Variants in DPYD observed in about 807,000 individuals in gnomAD.
DPYD encodes the protein dihydropyrimidine dehydrogenase [NADP(+)].
In DPYD, 109 loss-of-function variants were observed where a neutral mutation model predicts 116.2. That is an observed-to-expected ratio of 0.94 (90% CI 0.80 to 1.10). The LOEUF is 1.10. Ranked by LOEUF, DPYD falls within the 50% of genes least tolerant of loss-of-function variation. The probability of loss-of-function intolerance (pLI) is 0.00; values close to 1 mark genes in which losing one functional copy is unlikely to be tolerated. For missense variants in DPYD, 1,302 were observed against 1,254.5 expected (o/e 1.04, Z -0.57); for synonymous variants, 440 against 432.0 (o/e 1.02, Z -0.23).
intron 11 of DPYD, among the ~76,000 whole-genome samples, chr1:97,570,824 A>G (rs1276626285): frequency 6.6e-6 from 1 of 151,922 alleles, no homozygotes; most frequent in Non-Finnish European, 1.5e-5. Flanking sequence ...ATGGAATTTT[A>G]AAGCCCATGC....
chr1:97,871,136 T>G (rs1314704589), intron 2 of DPYD, among the ~76,000 whole-genome samples: 1 of 151,982 alleles, frequency 6.6e-6, no homozygotes. Flanking sequence ...TAATATCTTT[T>G]AAAATATACA....
At chr1:97,853,193 T>G (rs1670654335) in intron 2 of DPYD, among the ~76,000 whole-genome samples, 1 of 152,244 alleles carries the variant, frequency 6.6e-6, no homozygotes, top group African/African-American at 2.4e-5. Flanking sequence ...ACCCAGTGCT[T>G]GTTCTATCAT....
At chr1:97,146,859 T>C (rs1214296234) in intron 20 of DPYD, among the ~76,000 whole-genome samples, 1 of 152,140 alleles carries the variant, frequency 6.6e-6, no homozygotes, top group Non-Finnish European at 1.5e-5. Context: ...GAGATAAATA[T>C]ATCCAGTGGG....
chr1:97,713,430 G>C (rs955185593), intron 5 of DPYD, among the ~76,000 whole-genome samples: 2 of 152,034 alleles, frequency 1.3e-5, no homozygotes, highest in Non-Finnish European at 2.9e-5. Flanking sequence ...TAGATATTAA[G>C]ATACAGTTTT....
chr1:97,156,404 T>A (rs1025710561), intron 20 of DPYD, among the ~76,000 whole-genome samples: 6 of 151,652 alleles, frequency 4.0e-5, no homozygotes, highest in Non-Finnish European at 8.8e-5. Flanking sequence ...TACAATGAAC[T>A]CAAACAAATT....
intron 1 of DPYD, among the ~76,000 whole-genome samples, chr1:97,890,977 A>G (rs1672745156): frequency 6.6e-6 from 1 of 152,098 alleles, no homozygotes; most frequent in Admixed American, 6.6e-5. Context: ...AAAGGCAGTG[A>G]GTTGAATTCA....
intron 14 of DPYD, among the ~76,000 whole-genome samples, chr1:97,441,525 T>C (rs1428239087): frequency 6.6e-6 from 1 of 152,160 alleles, no homozygotes; most frequent in Non-Finnish European, 1.5e-5. Context: ...TCTTATTCAT[T>C]GTAGTTTTAA....
At chr1:97,133,998 CAAAAAAA>C (rs1208967697) in intron 20 of DPYD, among the ~76,000 whole-genome samples, 441 of 17,180 alleles carry the variant, frequency 0.026, 35 homozygotes, top group South Asian at 0.046. Flanking sequence ...GACTCTGTTT[CAAAAAAA>C]AAAAAAAAAA....
intron 7 of DPYD, among the ~76,000 whole-genome samples, chr1:97,684,144 C>T (rs1660580694): frequency 1.3e-5 from 2 of 152,094 alleles, no homozygotes; most frequent in African/African-American, 4.8e-5. Context: ...CAATGTGAGA[C>T]CTTTCTAGCT....
At chr1:97,315,210 T>TCTGGCCCA in intron 16 of DPYD, among the ~76,000 whole-genome samples, 1 of 151,978 alleles carries the variant, frequency 6.6e-6, no homozygotes, top group Non-Finnish European at 1.5e-5. Context: ...CTGGCCCAGC[T>TCTGGCCCA]GCAGGAGTGT....
rs1231882412 is a variant in DPYD, at chr1:97,720,725, C to T, written c.483+785G>A. The T allele has an allele frequency of 8.4e-6, 12 of 1,421,138 alleles. No individual in the cohort carries two copies. In the South Asian group the frequency reaches 1.5e-4, roughly 17 times the overall value. The allele number at this position is 1,421,138 out of a possible 1,614,324, so 88.0% of individuals were successfully genotyped here. ...TTAACTAAAAATCTAGGTTGACGGG[C>T]ACTTAATTTGACCTTCTAGCCAACT... On this transcript the variant is annotated intron_variant, in intron 5 of 22. Coordinates refer to ENST00000370192, the MANE Select transcript of DPYD (RefSeq NM_000110.4).
At chr1:97,367,710 T>G (rs973294986) in intron 16 of DPYD, among the ~76,000 whole-genome samples, 5 of 152,126 alleles carry the variant, frequency 3.3e-5, no homozygotes, top group Admixed American at 1.3e-4. Flanking sequence ...TCCAAAGAAA[T>G]CATTACTAAA....
rs544016659 is a variant in DPYD, at chr1:97,611,529, C to A, written c.851-16363G>T. On this transcript the variant is annotated intron_variant, in intron 8 of 22. Transcript: ENST00000370192. Reference sequence around the variant, plus strand: ...AAGGTGTTCTAGGAGGTTACAGGGGCAATCCATGCAACTGCAATTTGAAAA... The same window carrying A: ...AAGGTGTTCTAGGAGGTTACAGGGGAAATCCATGCAACTGCAATTTGAAAA... Among the ~76,000 whole-genome samples the A allele has an allele frequency of 1.1e-4, 16 of 152,116 alleles. No homozygotes were observed. In the South Asian group the frequency reaches 3.3e-3, roughly 32 times the overall value.
intron 13 of DPYD, among the ~76,000 whole-genome samples, chr1:97,471,204 C>T (rs536997928): frequency 9.9e-5 from 15 of 152,174 alleles, no homozygotes; most frequent in Admixed American, 8.5e-4. Context: ...AAGTTTCCCT[C>T]TAAGTTTCAT....
At chr1:97,727,411 T>C (rs771494331) in intron 4 of DPYD, among the ~76,000 whole-genome samples, 2 of 151,858 alleles carry the variant, frequency 1.3e-5, no homozygotes, top group African/African-American at 4.8e-5. Context: ...TGGAGGATTC[T>C]GACTGGCAAG....
At chr1:97,755,833 G>T (rs1259920483) in intron 3 of DPYD, among the ~76,000 whole-genome samples, 1 of 152,104 alleles carries the variant, frequency 6.6e-6, no homozygotes, top group Non-Finnish European at 1.5e-5. Flanking sequence ...AATAATATAT[G>T]TGGAACATTT....
chr1:97,716,728 T>G (rs1315713109), intron 5 of DPYD, among the ~76,000 whole-genome samples: 1 of 152,042 alleles, frequency 6.6e-6, no homozygotes, highest in Admixed American at 6.6e-5. Context: ...AACTTCAACA[T>G]TCATTTGAGA....
chr1:97,306,496 G>A (rs1667182787), intron 16 of DPYD, among the ~76,000 whole-genome samples, 199 bp from the exon 17 acceptor site: 1 of 151,844 alleles, frequency 6.6e-6, no homozygotes, highest in African/African-American at 2.4e-5. Context: ...CAAGTGAACT[G>A]CAAATTCATC....
intron 18 of DPYD, among the ~76,000 whole-genome samples, chr1:97,236,881 C>T (rs1661969381): frequency 6.6e-6 from 1 of 152,032 alleles, no homozygotes; most frequent in Non-Finnish European, 1.5e-5. Flanking sequence ...CTGTATCTTC[C>T]TCTCAATTTT....
Sources: gnomAD v4.1 joint callset for allele counts (sites outside exome capture counted in the v4.1 genomes callset) on GRCh38, gnomAD v4.1.1 for gene constraint, MANE v1.5 for transcripts, NCBI Gene and HGNC (gene_info 2026-07-23, HGNC 2026-07-21) for gene names.